Variants in HACD2 observed in about 807,000 individuals in gnomAD.
HACD2 encodes 3-hydroxyacyl-CoA dehydratase 2.
In HACD2, 15 loss-of-function variants were observed where a neutral mutation model predicts 31.0. The ratio of observed to expected loss-of-function variants is 0.48; its 90% CI spans 0.32 to 0.75. The LOEUF is 0.75. HACD2 is among the 30% of genes least tolerant of loss of function. The pLI, the probability that HACD2 is intolerant of heterozygous loss-of-function variation, is 0.03. For synonymous variants in HACD2, 115 were observed against 122.2 expected, an observed-to-expected ratio of 0.94 and a Z score of 0.39; for missense variants, 283 against 313.0, an observed-to-expected ratio of 0.90 and a Z score of 0.72.
At chr3:123,546,148 C>T (rs1012917614) in intron 3 of HACD2, among the ~76,000 whole-genome samples, 4 of 152,108 alleles carry the variant, frequency 2.6e-5, no homozygotes, top group African/African-American at 7.2e-5. Flanking sequence ...TTTATGACCA[C>T]GTATATTACC....
intron 3 of HACD2, among the ~76,000 whole-genome samples, chr3:123,553,114 T>C (rs541183201): frequency 8.5e-5 from 13 of 152,346 alleles, no homozygotes; most frequent in Admixed American, 6.5e-4. Context: ...AAAGGGCCTA[T>C]TGGGTATCTG....
chr3:123,553,106 A>AG (rs981039434), intron 3 of HACD2, among the ~76,000 whole-genome samples: 20 of 152,362 alleles, frequency 1.3e-4, no homozygotes, highest in African/African-American at 4.3e-4. Flanking sequence ...ACATACTGAA[A>AG]GGGCCTATTG....
intron 4 of HACD2, among the ~76,000 whole-genome samples, chr3:123,504,768 C>A (rs1576730111): frequency 6.6e-6 from 1 of 152,156 alleles, no homozygotes; most frequent in African/African-American, 2.4e-5. Flanking sequence ...CCATTTTGTG[C>A]AAAATCATTT....
intron 4 of HACD2, among the ~76,000 whole-genome samples, chr3:123,522,857 T>G (rs2056233910): frequency 6.6e-6 from 1 of 152,106 alleles, no homozygotes; most frequent in Admixed American, 6.5e-5. Flanking sequence ...AGTGTCACTG[T>G]GGAAAGGGCA....
At chr3:123,530,885 T>TA (rs1474806251) in intron 3 of HACD2, among the ~76,000 whole-genome samples, 23 of 151,970 alleles carry the variant, frequency 1.5e-4, no homozygotes, top group African/African-American at 5.6e-4. Flanking sequence ...TTGTTGTTTT[T>TA]AGATGGAGTT....
chr3:123,526,628 T>G (rs1563423), intron 4 of HACD2, among the ~76,000 whole-genome samples: 116,981 of 151,510 alleles, frequency 0.77, 47,374 homozygotes, highest in Non-Finnish European at 0.89. Context: ...TATGGAAATG[T>G]AATGAGTATA....
intron 2 of HACD2, among the ~76,000 whole-genome samples, chr3:123,572,580 A>G (rs1348713671): frequency 1.3e-5 from 2 of 152,230 alleles, no homozygotes; most frequent in South Asian, 4.1e-4. Context: ...CACTGGCAAT[A>G]AACTGATTTT....
intron 4 of HACD2, among the ~76,000 whole-genome samples, chr3:123,510,685 T>C (rs1410993275): frequency 6.6e-6 from 1 of 152,254 alleles, no homozygotes; most frequent in Non-Finnish European, 1.5e-5. Flanking sequence ...ATTTGGGCTG[T>C]TCCTATCTTT....
At chr3:123,560,050 C>G (rs1181958889) in intron 3 of HACD2, among the ~76,000 whole-genome samples, 1 of 152,150 alleles carries the variant, frequency 6.6e-6, no homozygotes, top group African/African-American at 2.4e-5. Context: ...GTGTTCCACG[C>G]CAAGGAAACC....
At position 123,539,911 on chromosome 3, in the gene HACD2, TA is replaced by T. The variant is rs71142741; in HGVS notation, c.293-11438del. On this transcript the variant is annotated intron_variant, in intron 3 of 6. Coordinates refer to ENST00000383657, the MANE Select transcript of HACD2 (RefSeq NM_198402.5). ...AAACATGGCAAGGCCTCGTCTCTAC[TA>T]AAAAAAAAAAAAAAAAAAAAAAAAA... Among the ~76,000 whole-genome samples, 201 of 24,430 alleles carry T rather than the reference TA, an allele frequency of 8.2e-3. No individual in the cohort carries two copies. The East Asian group carries it at 0.088, about 11-fold the overall frequency. 16.0% of individuals were successfully genotyped at this position (24,430 alleles called of 152,430 possible).
chr3:123,573,877 T>C (rs1046304463), intron 2 of HACD2, among the ~76,000 whole-genome samples: 14 of 152,234 alleles, frequency 9.2e-5, no homozygotes, highest in Non-Finnish European at 1.6e-4. Context: ...TCCACCCCTA[T>C]AATTTACTAA....
intron 3 of HACD2, among the ~76,000 whole-genome samples, chr3:123,544,528 GT>G (rs1337262732): frequency 6.6e-6 from 1 of 152,136 alleles, no homozygotes; most frequent in Non-Finnish European, 1.5e-5. Flanking sequence ...TAGGCTCAGA[GT>G]GAAAGCTTTT....
chr3:123,520,309 A>G (rs2056197121), intron 4 of HACD2, among the ~76,000 whole-genome samples: 1 of 152,224 alleles, frequency 6.6e-6, no homozygotes, highest in Non-Finnish European at 1.5e-5. Context: ...TTATACAGCC[A>G]TTCACATACA....
chr3:123,582,423 A>G, intron 1 of HACD2, 94 bp from the exon 2 acceptor site: 1 of 750,498 alleles, frequency 1.3e-6, no homozygotes. Context: ...AGATATTGCT[A>G]AAGGTGACCT....
At position 123,494,955 on chromosome 3, in the gene HACD2, T is replaced by C; in HGVS notation, c.698A>G (p.Tyr233Cys). 1 of 1,556,070 alleles carries C rather than the reference T, an allele frequency of 6.4e-7. No individual in the cohort carries two copies. The highest frequency in any genetic ancestry group is 8.7e-7 in the Non-Finnish European group (1 of 1,148,428). ...ISYIPIFPQL[Y>C]FHMIHQRRKI... is the part of the protein sequence containing the mutation. ...TCTTCTCTGGTGTATCATGTGGAAG[T>C]ATAACTGGGGAAAAACTGAAAAGAA... The change falls in exon 7 of 7, where the codon TAC (tyrosine) becomes TGC (cysteine). Residue 233 changes from tyrosine (Y) to cysteine (C), a missense_variant. Physicochemically the swap from Tyr to Cys is radical, Grantham distance 194. This residue lies in a region of HACD2 where 40 missense variants were observed against 35.1 expected (regional missense o/e 1.14). Coordinates refer to ENST00000383657, the MANE Select transcript of HACD2 (RefSeq NM_198402.5).
At chr3:123,544,279 T>C (rs2056529219) in intron 3 of HACD2, among the ~76,000 whole-genome samples, 1 of 152,084 alleles carries the variant, frequency 6.6e-6, no homozygotes, top group East Asian at 1.9e-4. Context: ...GAAAGAGCAA[T>C]TATAGCCCGC....
chr3:123,577,054 C>T (rs572077754), intron 2 of HACD2, among the ~76,000 whole-genome samples: 9 of 151,966 alleles, frequency 5.9e-5, no homozygotes, highest in African/African-American at 1.2e-4. Flanking sequence ...TTCCAGGACA[C>T]GATCAGAAAT....
rs55844728 is a variant in HACD2 at position 123,569,988 on chromosome 3, CAAAAAAAAAAAAAAAAAAAAAAAAAAAA to C, written c.274-2236_274-2209del. 5.2e-5 allele frequency among the ~76,000 whole-genome samples: 2 copies of C among 38,658 alleles called. 1 individual carries two copies. 25.4% of individuals were successfully genotyped at this position (38,658 alleles called of 152,430 possible). On this transcript the variant is annotated intron_variant, in intron 2 of 6. Coordinates refer to ENST00000383657, the MANE Select transcript of HACD2 (RefSeq NM_198402.5). ...TGGGCGAGAGAGCAACACTCCATCT[CAAAAAAAAAAAAAAAAAAAAAAAAAAAA>C]AAAAAAAAAAAAAGACATCCAGGCT...
intron 3 of HACD2, among the ~76,000 whole-genome samples, chr3:123,566,040 G>A (rs970278469): frequency 9.9e-5 from 15 of 152,096 alleles, no homozygotes; most frequent in Non-Finnish European, 1.5e-4. Flanking sequence ...CGGGACAGAT[G>A]AGCCCCCAAG....
Sources: gnomAD v4.1 joint callset for allele counts (sites outside exome capture counted in the v4.1 genomes callset) on GRCh38, gnomAD v4.1.1 for gene constraint, gnomAD v4.1.1 regional missense constraint, MANE v1.5 for transcripts, NCBI Gene and HGNC (gene_info 2026-07-23, HGNC 2026-07-21) for gene names.